Variants in TJP2 observed in about 807,000 individuals in gnomAD.
TJP2 encodes the protein tight junction protein 2.
Under a neutral mutation model 133.1 loss-of-function variants are expected in TJP2, and 91 were observed. The observed-to-expected ratio is 0.68, with a 90% CI of 0.58 to 0.81. The LOEUF (loss-of-function observed/expected upper bound fraction) is 0.81, where lower values mean the gene tolerates loss of function less well. Among genes scored for constraint, TJP2 ranks in the 40% least tolerant of loss-of-function variants. The pLI is 0.00. For synonymous variants in TJP2, 592 were observed against 583.4 expected (o/e 1.01, Z -0.21); for missense variants, 1,541 against 1,565.6 (o/e 0.98, Z 0.26).
chr9:69,187,470 A>G (rs1004514977), intron 1 of TJP2, among the ~76,000 whole-genome samples: 9 of 152,228 alleles, frequency 5.9e-5, no homozygotes, highest in African/African-American at 2.2e-4. Context: ...TTTGAGATAT[A>G]CTGACTATGT....
At chr9:69,218,720 T>C (rs1828576641) in intron 4 of TJP2, among the ~76,000 whole-genome samples, 4 of 152,364 alleles carry the variant, frequency 2.6e-5, no homozygotes, top group African/African-American at 4.8e-5. Context: ...AGGTATATTA[T>C]ATCTTCATAG....
chr9:69,192,380 G>C (rs1049830858), intron 1 of TJP2, among the ~76,000 whole-genome samples: 4 of 152,142 alleles, frequency 2.6e-5, no homozygotes, highest in African/African-American at 9.7e-5. Context: ...AGAGAACCTA[G>C]AGATCATACA....
At position 69,229,196 on chromosome 9, in the gene TJP2, A is replaced by T. The variant is rs767121575; in HGVS notation, c.1466A>T (p.Lys489Ile). 6.2e-7 allele frequency: 1 copy of T among 1,614,156 alleles called. No individual in the cohort carries two copies. The highest frequency in any genetic ancestry group is 8.5e-7 in the Non-Finnish European group (1 of 1,180,006). ...YQEDPPAPQP[K>I]AAPRTFLRPS... is the part of the protein sequence containing the mutation. ...TCTTAACCTACAGCTCCTCAACCAA[A>T]AGCAGCCCCGAGAACTTTTCTTCGT... The change falls in exon 10 of 23, where the codon AAA (lysine) becomes ATA (isoleucine). Residue 489 changes from lysine (K) to isoleucine (I), a missense_variant. Coordinates refer to ENST00000377245, the MANE Select transcript of TJP2 (RefSeq NM_004817.4).
chr9:69,147,322 G>C (rs1037672199), intron 1 of TJP2, among the ~76,000 whole-genome samples: 3 of 152,214 alleles, frequency 2.0e-5, no homozygotes, highest in African/African-American at 7.2e-5. Context: ...ATCTAGCTAG[G>C]AGGACCTGGA....
At chr9:69,218,111 G>A (rs1352328650) in intron 3 of TJP2, 146 bp from the exon 4 acceptor site, 4 of 671,076 alleles carry the variant, frequency 6.0e-6, no homozygotes, top group African/African-American at 3.6e-5. Flanking sequence ...CTCAGGCCAA[G>A]TTGACTGGGC....
intron 1 of TJP2, among the ~76,000 whole-genome samples, chr9:69,198,947 T>G (rs1435510789): frequency 1.3e-5 from 2 of 152,224 alleles, no homozygotes; most frequent in African/African-American, 4.8e-5. Flanking sequence ...TGTTAAAAAT[T>G]ATTCGTTTTT....
In TJP2 at chr9:69,246,786, G is replaced by A. The variant is rs1382678716; in HGVS notation, c.2663G>A (p.Gly888Glu). The change falls in exon 18 of 23, where the codon GGA (glycine) becomes GAA (glutamate). Residue 888 changes from glycine (G) to glutamate (E), a missense_variant. Coordinates refer to ENST00000377245, the MANE Select transcript of TJP2 (RefSeq NM_004817.4). ...QQGEAVWVSE[G>E]KMEGMDDDPE... ...GGAGAAGCGGTTTGGGTCTCTGAAG[G>A]AAAGGTATGTGGCATAGATATGCTG... The A allele has an allele frequency of 1.2e-6, 2 of 1,613,960 alleles. No individual in the cohort carries two copies. The highest frequency in any genetic ancestry group is 1.7e-6 in the Non-Finnish European group (2 of 1,179,862).
rs1206473958 is a variant in TJP2, at chr9:69,163,024, T to A, written c.-10+11253T>A. Among the ~76,000 whole-genome samples, 8 of 90,328 alleles carry A rather than the reference T, an allele frequency of 8.9e-5. 2 individuals carry two copies. Among genetic ancestry groups the A allele is most frequent in the South Asian group, 3.1e-4 (1 of 3,180 alleles). The allele number at this position is 90,328 out of a possible 152,430, so 59.3% of individuals were successfully genotyped here. On this transcript the variant is annotated intron_variant, in intron 2 of 5. Coordinates refer to the TJP2 transcript ENST00000423935. ...TATTTTTTAAAAAGTATCTTTATTT[T>A]ATTTTATTTTTTTTTTTTTGAGACG...
intron 1 of TJP2, among the ~76,000 whole-genome samples, chr9:69,136,105 T>G (rs1822721222): frequency 6.6e-6 from 1 of 152,196 alleles, no homozygotes; most frequent in Admixed American, 6.5e-5. Flanking sequence ...AATTCAAATT[T>G]GATACCACCA....
chr9:69,227,946 T>C (rs1339534489), intron 8 of TJP2, 35 bp from the exon 9 acceptor site: 5 of 1,614,030 alleles, frequency 3.1e-6, no homozygotes, highest in Non-Finnish European at 4.2e-6. Flanking sequence ...GAAACTGTTA[T>C]CTCTTGAGAC....
In TJP2 at chr9:69,238,769, G is replaced by A. The variant is rs145368713; in HGVS notation, c.2335G>A (p.Val779Met). 1.2e-4 allele frequency: 190 copies of A among 1,613,784 alleles called. No individual in the cohort carries two copies. Among genetic ancestry groups the A allele is most frequent in the Middle Eastern group, 4.9e-4 (3 of 6,062 alleles). Residue 779 changes from valine (V) to methionine (M), a missense_variant, in exon 16 of 23, where the codon GTG becomes ATG. Coordinates refer to ENST00000377245, the MANE Select transcript of TJP2 (RefSeq NM_004817.4). ...CACTGGAGTGGTCCGGTTAAATACC[G>A]TGAGGCAAATTATTGAACAGGTGAG... ...KSTGVVRLNT[V>M]RQIIEQDKHA...
intron 1 of TJP2, among the ~76,000 whole-genome samples, chr9:69,146,279 C>T (rs1823206886): frequency 6.6e-6 from 1 of 152,138 alleles, no homozygotes; most frequent in Non-Finnish European, 1.5e-5. Flanking sequence ...TTCTGCAGCC[C>T]CACTGATTTA....
chr9:69,247,226 G>A (rs1481552779), intron 18 of TJP2, among the ~76,000 whole-genome samples: 1 of 152,244 alleles, frequency 6.6e-6, no homozygotes, highest in Non-Finnish European at 1.5e-5. Flanking sequence ...GGTTGAGAAT[G>A]TGCCATCGTT....
At chr9:69,246,437 G>GAAAA (rs1830931878) in intron 17 of TJP2, 2 of 460,974 alleles carry the variant, frequency 4.3e-6, no homozygotes, top group East Asian at 8.9e-5. Flanking sequence ...TAGCCTTTCT[G>GAAAA]AAAATAAACA....
At chr9:69,192,065 A>G (rs904066479) in intron 1 of TJP2, among the ~76,000 whole-genome samples, 19 of 152,138 alleles carry the variant, frequency 1.2e-4, no homozygotes, top group African/African-American at 4.6e-4. Flanking sequence ...TATTAAGCTT[A>G]TACCACTGTT....
chr9:69,181,450 A>G (rs751676093), intron 1 of TJP2, among the ~76,000 whole-genome samples: 5 of 151,960 alleles, frequency 3.3e-5, no homozygotes, highest in Non-Finnish European at 5.9e-5. Context: ...GGGCTTCACC[A>G]TGTTGGCCAG....
upstream of TJP2, among the ~76,000 whole-genome samples, chr9:69,173,451 C>G (rs1824800193): frequency 6.6e-6 from 1 of 152,190 alleles, no homozygotes; most frequent in South Asian, 2.1e-4. Flanking sequence ...CAGATAAGCA[C>G]TTGTGACCTA....
At chr9:69,231,761 G>A (rs898423877) in intron 11 of TJP2, among the ~76,000 whole-genome samples, 1 of 152,114 alleles carries the variant, frequency 6.6e-6, no homozygotes, top group Non-Finnish European at 1.5e-5. Flanking sequence ...GTACCTGCAC[G>A]AACCTCATGT....
chr9:69,253,004 T>G lies in TJP2; in HGVS notation c.3407+104T>G. On this transcript the variant is annotated intron_variant, in intron 22 of 22. Transcript: ENST00000377245. ...CCAAATTTCAGAGTAACAGGAGGAT[T>G]TTTTCCCCACAGATTGACTGTTTGC... 1.5e-5 allele frequency: 16 copies of G among 1,046,634 alleles called. No individual in the cohort carries two copies. The South Asian group carries it at 1.8e-4, about 12-fold the overall frequency. The allele number at this position is 1,046,634 out of a possible 1,614,324, so 64.8% of individuals were successfully genotyped here.
Sources: allele counts gnomAD v4.1 joint callset (sites outside exome capture counted in the v4.1 genomes callset), GRCh38; gene constraint gnomAD v4.1.1; transcripts MANE v1.5; gene names NCBI Gene and HGNC (gene_info 2026-07-23, HGNC 2026-07-21).